The following PDIA5 variants were observed in gnomAD, a reference collection of about 807,000 sequenced individuals.
PDIA5 encodes protein disulfide-isomerase A5.
A neutral mutation model predicts 77.6 loss-of-function variants in PDIA5; 58 were observed. The ratio of observed to expected loss-of-function variants is 0.75; its 90% CI spans 0.61 to 0.93. The LOEUF is 0.93. Ranked by LOEUF, PDIA5 falls within the 40% of genes least tolerant of loss-of-function variation. PDIA5 has a pLI of 0.00. For missense variants in PDIA5, 630 were observed against 647.7 expected (o/e 0.97, Z 0.30); for synonymous variants, 250 against 252.1 (o/e 0.99, Z 0.08).
Position 123,150,241 on chromosome 3 carries a change from G to GC in PDIA5, c.1157dup (p.Pro387AlafsTer44), listed in dbSNP as rs766425459. On this transcript the variant is annotated frameshift_variant, in exon 14 of 17. Coordinates refer to ENST00000316218, the MANE Select transcript of PDIA5 (RefSeq NM_006810.4). LOFTEE classifies it high-confidence loss of function. ...TCCCCTGGCTTCTTGCAGCCCTGAGGCCCCCCCGCCCCCAGAGCCCACGTG... is the reference window on the plus strand; with the variant it reads ...TCCCCTGGCTTCTTGCAGCCCTGAGGCCCCCCCCGCCCCCAGAGCCCACGTG... The GC allele has an allele frequency of 4.6e-5, 74 of 1,610,700 alleles. No individual in the cohort carries two copies. The highest frequency in any genetic ancestry group is 1.0e-4 in the Admixed American group (6 of 59,670).
At chr3:123,085,812 A>T (rs1934123795) in intron 1 of PDIA5, among the ~76,000 whole-genome samples, 1 of 152,188 alleles carries the variant, frequency 6.6e-6, no homozygotes, top group South Asian at 2.1e-4. Flanking sequence ...CGCTGGTCAG[A>T]TTATCTGAGG....
At position 123,110,978 on chromosome 3, in the gene PDIA5, C is replaced by T. The variant is rs151085119; in HGVS notation, c.515C>T (p.Pro172Leu). Reference sequence around the variant, plus strand: ...CGGCTCCTGAAGAAGGAAGAGAAGCCGCTCCTGATCATGTTTTATGCCCCC... The same window carrying T: ...CGGCTCCTGAAGAAGGAAGAGAAGCTGCTCCTGATCATGTTTTATGCCCCC... ...FRRLLKKEEK[P>L]LLIMFYAPWC... Residue 172 changes from proline to leucine, a missense_variant, in exon 7 of 17, where the codon CCG becomes CTG. By Grantham distance (98) the Pro-to-Leu change is moderately conservative (BLOSUM62 -3). Transcript: ENST00000316218. 72 of 1,613,688 alleles carry T rather than the reference C, an allele frequency of 4.5e-5. No individual in the cohort carries two copies. The highest frequency in any genetic ancestry group is 6.7e-5 in the East Asian group (3 of 44,872).
chr3:123,124,214 T>A, intron 9 of PDIA5, 57 bp downstream of exon 9: 4 of 1,571,254 alleles, frequency 2.5e-6, no homozygotes, highest in Middle Eastern at 1.7e-4. Flanking sequence ...TTGACCATAA[T>A]CTCAGGGTGG....
At chr3:123,146,651 A>G (rs1246621796) in intron 13 of PDIA5, among the ~76,000 whole-genome samples, 1 of 152,194 alleles carries the variant, frequency 6.6e-6, no homozygotes, top group Non-Finnish European at 1.5e-5. Context: ...GCCTCCAGTA[A>G]TGTCCACAGG....
chr3:123,132,239 G>A (rs1935386265), intron 11 of PDIA5, among the ~76,000 whole-genome samples: 1 of 152,176 alleles, frequency 6.6e-6, no homozygotes, highest in South Asian at 2.1e-4. Context: ...AGGAAGAACA[G>A]GGTCAGAGCC....
In PDIA5 at chr3:123,102,012, C is replaced by T. The variant is rs113688236; in HGVS notation, c.258-399C>T. 7.1e-3 allele frequency among the ~76,000 whole-genome samples: 981 copies of T among 138,600 alleles called. 12 individuals carry two copies. The highest frequency in any genetic ancestry group is 0.024 in the African/African-American group (918 of 38,178). 90.9% of individuals were successfully genotyped at this position (138,600 alleles called of 152,430 possible). A position where few individuals can be genotyped will look rare whatever the true frequency, so the allele number is the denominator to read the frequency against. On this transcript the variant is annotated intron_variant, in intron 3 of 16. Transcript: ENST00000316218. ...GCAACCTCTGCCTCCTGGGTTCAAGCGATTCTCCTGCCTCAGCCTCCTGAG... is the reference window on the plus strand; with the variant it reads ...GCAACCTCTGCCTCCTGGGTTCAAGTGATTCTCCTGCCTCAGCCTCCTGAG...
intron 10 of PDIA5, among the ~76,000 whole-genome samples, chr3:123,126,708 G>A (rs977716095): frequency 1.4e-4 from 21 of 152,160 alleles, no homozygotes; most frequent in African/African-American, 4.6e-4. Flanking sequence ...AGCTGCTCAG[G>A]GCTTCTGTGC....
At chr3:123,078,348 C>T (rs1181802478) in intron 1 of PDIA5, among the ~76,000 whole-genome samples, 2 of 152,162 alleles carry the variant, frequency 1.3e-5, no homozygotes, top group African/African-American at 2.4e-5. Flanking sequence ...AATCAGAAGG[C>T]CCATGCAAGA....
chr3:123,104,040 C>A (rs1485876185), intron 5 of PDIA5, among the ~76,000 whole-genome samples: 2 of 152,096 alleles, frequency 1.3e-5, no homozygotes, highest in African/African-American at 4.8e-5. Context: ...ATTGTGGTAG[C>A]AGAGAAGAAG....
intron 7 of PDIA5, among the ~76,000 whole-genome samples, chr3:123,113,926 C>G (rs1576448846): frequency 6.6e-6 from 1 of 152,336 alleles, no homozygotes; most frequent in East Asian, 1.9e-4. Context: ...TACCTCTCCC[C>G]CTGCCTCCCA....
At chr3:123,102,857 C>T (rs1934637437) in intron 5 of PDIA5, 61 bp downstream of exon 5, 14 of 1,107,664 alleles carry the variant, frequency 1.3e-5, no homozygotes, top group Non-Finnish European at 1.9e-5. Flanking sequence ...CAAAGTCTGG[C>T]AGGTTTTCTC....
intron 7 of PDIA5, among the ~76,000 whole-genome samples, chr3:123,115,096 C>A (rs1392903469): frequency 6.6e-6 from 1 of 152,208 alleles, no homozygotes; most frequent in Non-Finnish European, 1.5e-5. Context: ...CTGCCTGTCG[C>A]CACATGGACC....
intron 13 of PDIA5, among the ~76,000 whole-genome samples, chr3:123,147,810 G>A (rs1463310712): frequency 6.6e-6 from 1 of 152,196 alleles, no homozygotes; most frequent in Non-Finnish European, 1.5e-5. Flanking sequence ...CACTTTTCCA[G>A]CCTTGCTCTG....
Position 123,148,626 on chromosome 3 carries a change from G to C in PDIA5, c.1143-1608G>C, listed in dbSNP as rs543315105. On this transcript the variant is annotated intron_variant, in intron 13 of 16. Coordinates refer to ENST00000316218, the MANE Select transcript of PDIA5 (RefSeq NM_006810.4). ...GACTGATTGTGGACTTCTCATGACT[G>C]ACAGTATCAATACATAAGTGATCAC... is the stretch of plus-strand genomic sequence containing the variant. Among the ~76,000 whole-genome samples, 222 of 151,992 alleles carry C rather than the reference G, an allele frequency of 1.5e-3. 1 individual carries two copies. Among genetic ancestry groups the C allele is most frequent in the African/African-American group, 1.4e-3 (56 of 41,468 alleles).
chr3:123,161,706 C>A, intron 16 of PDIA5, 174 bp from the exon 17 acceptor site: 2 of 658,290 alleles, frequency 3.0e-6, no homozygotes, highest in Admixed American at 2.9e-5. Context: ...TTCTCACTTG[C>A]TGGTCGGGGC....
chr3:123,130,353 A>T, intron 10 of PDIA5, 127 bp from the exon 11 acceptor site: 1 of 1,047,012 alleles, frequency 9.6e-7, no homozygotes, highest in Non-Finnish European at 1.4e-6. Context: ...CTGGTTTGTT[A>T]AAGGCTGAGC....
chr3:123,072,761 G>C (rs559879354), intron 1 of PDIA5, among the ~76,000 whole-genome samples: 1 of 152,206 alleles, frequency 6.6e-6, no homozygotes, highest in Admixed American at 6.5e-5. Context: ...GTTTTATTCT[G>C]TTGGGCTCTT....
intron 8 of PDIA5, among the ~76,000 whole-genome samples, chr3:123,118,337 T>G (rs554034520): frequency 1.3e-5 from 2 of 152,218 alleles, no homozygotes; most frequent in Admixed American, 1.3e-4. Flanking sequence ...AGAAAAGACT[T>G]AATTACCCAC....
rs1020714493 is a variant in PDIA5, at chr3:123,130,351, T to C, written c.774-129T>C. 20 of 1,028,744 alleles carry C rather than the reference T, an allele frequency of 1.9e-5. No individual in the cohort carries two copies. In the Admixed American group the frequency reaches 2.9e-4, roughly 15 times the overall value. 63.7% of individuals were successfully genotyped at this position (1,028,744 alleles called of 1,614,324 possible). ...CTCCATGAGGGCAGTTTCTGGTTTG[T>C]TAAAGGCTGAGCCCCTGGAGTGGGC... On this transcript the variant is annotated intron_variant, in intron 10 of 16. Transcript: ENST00000316218.
Sources: gnomAD v4.1 joint callset for allele counts (sites outside exome capture counted in the v4.1 genomes callset) on GRCh38, gnomAD v4.1.1 for gene constraint, MANE v1.5 for transcripts, NCBI Gene and HGNC (gene_info 2026-07-23, HGNC 2026-07-21) for gene names.